CEP68: variants seen among roughly 807,000 people sequenced by gnomAD.
The protein encoded by CEP68 is centrosomal protein 68.
A neutral mutation model predicts 55.3 loss-of-function variants in CEP68; 26 were observed. That is an observed-to-expected ratio of 0.47 (90% confidence interval 0.34 to 0.65). The LOEUF is 0.65. CEP68 is among the 30% of genes least tolerant of loss of function. The probability of loss-of-function intolerance (pLI) is 0.01; values close to 1 mark genes in which losing one functional copy is unlikely to be tolerated. For synonymous variants in CEP68, 402 were observed against 383.2 expected, an observed-to-expected ratio of 1.05 and a Z score of -0.57; for missense variants, 957 against 946.7, an observed-to-expected ratio of 1.01 and a Z score of -0.14.
At chr2:65,082,851 G>A (rs1163707684) in intron 6 of CEP68, 142 bp downstream of exon 6, 6 of 676,448 alleles carry the variant, frequency 8.9e-6, no homozygotes, top group African/African-American at 7.5e-5. Flanking sequence ...ACTAAAAAAG[G>A]AGTTGCTGGT....
At chr2:65,057,475 C>G (rs1331292378) in intron 1 of CEP68, among the ~76,000 whole-genome samples, 1 of 152,142 alleles carries the variant, frequency 6.6e-6, no homozygotes. Context: ...ACAAAAAACC[C>G]AAGGAATTCA....
Position 65,074,380 on chromosome 2 carries a change from C to G in CEP68, c.1983C>G (p.Leu661=), listed in dbSNP as rs1308598076. The G allele has an allele frequency of 1.2e-6, 2 of 1,614,180 alleles. No homozygotes were observed. The highest frequency in any genetic ancestry group is 1.7e-6 in the Non-Finnish European group (2 of 1,180,006). ...CAGCCAGGTCCAATCTTACAAGTCT[C>G]AAGTCTTCTCTGCAGCTTTACCGGG... The part of the protein sequence containing the change: ...GTAARSNLTS[L]KSSLQLYRQF... Residue 661 remains leucine, a synonymous_variant, in exon 4 of 7, where the codon CTC becomes CTG. Coordinates refer to ENST00000377990, the MANE Select transcript of CEP68 (RefSeq NM_015147.3).
chr2:65,081,411 A>C (rs903475355), intron 5 of CEP68, among the ~76,000 whole-genome samples: 9 of 144,274 alleles, frequency 6.2e-5, no homozygotes, highest in Non-Finnish European at 1.4e-4. Flanking sequence ...TTCTCCTTCT[A>C]CTCATCCAGT....
rs1676483007 is a variant in CEP68 at position 65,071,889 on chromosome 2, A to G, written c.793A>G (p.Arg265Gly). 1 of 1,612,110 alleles carries G rather than the reference A, an allele frequency of 6.2e-7. No individual in the cohort carries two copies. The highest frequency in any genetic ancestry group is 1.3e-5 in the African/African-American group (1 of 74,850). Residue 265 changes from arginine (R) to glycine (G), a missense_variant, in exon 3 of 7, where the codon AGA (arginine) becomes GGA (glycine). Coordinates refer to ENST00000377990, the MANE Select transcript of CEP68 (RefSeq NM_015147.3). ...GGGTGATGCTTCTGGGCTAGGCAGG[A>G]GACGCCTCTCCTTCCAGGCTGAGTA... The part of the protein sequence containing the change: ...SGGDASGLGR[R>G]RLSFQAEYWA...
chr2:65,082,844 A>T, intron 6 of CEP68, 135 bp downstream of exon 6: 1 of 700,978 alleles, frequency 1.4e-6, no homozygotes, highest in Non-Finnish European at 2.2e-6. Context: ...CAATGGTACT[A>T]AAAAAGGAGT....
chr2:65,069,614 G>C lies in CEP68; in HGVS notation c.170G>C (p.Gly57Ala). 6.2e-7 allele frequency: 1 copy of C among 1,614,098 alleles called. No individual in the cohort carries two copies. The highest frequency in any genetic ancestry group is 8.5e-7 in the Non-Finnish European group (1 of 1,180,010). The change falls in exon 2 of 7, where the codon GGG becomes GCG. Residue 57 changes from glycine (G) to alanine (A), a missense_variant. Physicochemically the swap from Gly to Ala is moderately conservative, Grantham distance 60 (BLOSUM62 0). Transcript: ENST00000377990. ...GGAGGGCTCATCTCCCCTGTATGGG[G>C]GGCAGAAGGGATACCTGCCCCTACT... is the stretch of plus-strand genomic sequence containing the variant. The part of the protein sequence containing the change: ...AEGGLISPVW[G>A]AEGIPAPTCW...
In CEP68 at chr2:65,072,988, C is replaced by T. The variant is rs201094324; in HGVS notation, c.1884+8C>T. On this transcript the variant is annotated splice_region_variant and intron_variant, in intron 3 of 6. Transcript: ENST00000377990. ...CTGGTGCAATGTGTGAAGGTAATGACACTCAACGTTAGGAAGCTTTGTGTA... is the reference window on the plus strand; with the variant it reads ...CTGGTGCAATGTGTGAAGGTAATGATACTCAACGTTAGGAAGCTTTGTGTA... 629 of 1,613,984 alleles carry T rather than the reference C, an allele frequency of 3.9e-4. 2 individuals carry two copies. Among genetic ancestry groups the T allele is most frequent in the Non-Finnish European group, 5.1e-4 (599 of 1,179,948 alleles).
intron 4 of CEP68, chr2:65,074,778 A>G: frequency 4.0e-6 from 1 of 249,982 alleles, no homozygotes; most frequent in South Asian, 4.2e-5. Flanking sequence ...CCCCCCCTCA[A>G]AAAAAAGTTT....
rs1477447841 is a variant in CEP68 at position 65,085,489 on chromosome 2, G to C, written c.*1855G>C. ...ACACAACTGTTAATTATACCGCCGT[G>C]CTTTAAGTTTAAGACTTACCTTAAA... On this transcript the variant is annotated 3_prime_UTR_variant, in exon 7 of 7. Transcript: ENST00000377990. 1 of 152,020 alleles carries C rather than the reference G, an allele frequency of 6.6e-6. No homozygotes were observed. The highest frequency in any genetic ancestry group is 2.4e-5 in the African/African-American group (1 of 41,362). 9.4% of individuals were successfully genotyped at this position (152,020 alleles called of 1,614,324 possible). A position where few individuals can be genotyped will look rare whatever the true frequency, so the allele number is the denominator to read the frequency against.
chr2:65,058,499 T>TC (rs1675758813), intron 1 of CEP68, among the ~76,000 whole-genome samples: 1 of 70,386 alleles, frequency 1.4e-5, no homozygotes, highest in African/African-American at 6.8e-5. Context: ...TTTTTTTCCT[T>TC]TTTTTTTTTT....
intron 5 of CEP68, among the ~76,000 whole-genome samples, chr2:65,079,855 C>G (rs548171832): frequency 6.6e-6 from 1 of 152,182 alleles, no homozygotes. Context: ...GCCTCTAGTC[C>G]GGACACGGTG....
chr2:65,061,960 G>C (rs1675931359), intron 1 of CEP68, among the ~76,000 whole-genome samples: 1 of 152,208 alleles, frequency 6.6e-6, no homozygotes, highest in Non-Finnish European at 1.5e-5. Context: ...ACAGTTTCAT[G>C]TTATTGGAGA....
At chr2:65,078,488 T>C (rs940506196) in intron 5 of CEP68, among the ~76,000 whole-genome samples, 21 of 152,278 alleles carry the variant, frequency 1.4e-4, no homozygotes, top group Admixed American at 5.2e-4. Flanking sequence ...GAAGAACTGA[T>C]GAGAGGGGAC....
Position 65,072,930 on chromosome 2 carries a change from C to T in CEP68, c.1834C>T (p.Pro612Ser), listed in dbSNP as rs1359504520. The T allele has an allele frequency of 2.5e-6, 4 of 1,613,884 alleles. No homozygotes were observed. The highest frequency in any genetic ancestry group is 2.5e-6 in the Non-Finnish European group (3 of 1,180,036). Reference sequence around the variant, plus strand: ...AGACCCAGATGTTGAAGGGCAGCTTCCCAGGAAAGGAGGAGAACAGGGAAA... The same window carrying T: ...AGACCCAGATGTTGAAGGGCAGCTTTCCAGGAAAGGAGGAGAACAGGGAAA... ...FSDPDVEGQL[P>S]RKGGEQGKES... The change falls in exon 3 of 7, where the codon CCC becomes TCC. Residue 612 changes from proline (P) to serine (S), a missense_variant. Pro to Ser is a moderately conservative substitution (Grantham distance 74). Transcript: ENST00000377990.
chr2:65,085,956 C>T lies in CEP68; in HGVS notation c.*2322C>T, dbSNP rs1278802048. On this transcript the variant is annotated 3_prime_UTR_variant, in exon 7 of 7. Coordinates refer to ENST00000377990, the MANE Select transcript of CEP68 (RefSeq NM_015147.3). ...GCCACACTGGAATAACTTAGTAGTC[C>T]CTTAAAATTAATGGAAGTTAAATCC... 2 of 152,144 alleles carry T rather than the reference C, an allele frequency of 1.3e-5. No individual in the cohort carries two copies. The highest frequency in any genetic ancestry group is 4.8e-5 in the African/African-American group (2 of 41,430). 9.4% of individuals were successfully genotyped at this position (152,144 alleles called of 1,614,324 possible).
rs55952639 is a variant in CEP68 at position 65,072,632 on chromosome 2, T to C, written c.1536T>C (p.Asp512=). Residue 512 remains aspartate (D), a synonymous_variant, in exon 3 of 7, where the codon GAT becomes GAC. Transcript: ENST00000377990. ...ISTLVTLPTG[D]IKGQSPLEVS... Reference sequence around the variant, plus strand: ...CCTTGGTTACCCTGCCCACTGGGGATATCAAAGGGCAGAGCCCCTTGGAAG... The same window carrying C: ...CCTTGGTTACCCTGCCCACTGGGGACATCAAAGGGCAGAGCCCCTTGGAAG... 129,253 of 1,613,874 alleles carry C rather than the reference T, an allele frequency of 0.08. 9,350 individuals carry two copies. Among genetic ancestry groups the C allele is most frequent in the African/African-American group, 0.34 (25,541 of 74,928 alleles).
At chr2:65,080,589 G>T in intron 5 of CEP68, 1 of 961,564 alleles carries the variant, frequency 1.0e-6, no homozygotes, top group South Asian at 4.8e-5. Flanking sequence ...GAGGCCAAGC[G>T]GGCAGATCAC....
At position 65,072,014 on chromosome 2, in the gene CEP68, TTACCCAC is replaced by T; in HGVS notation, c.920_926del (p.Tyr307Ter). ...AGTATGAAGATCTGCTTGACTATAC[TTACCCAC>T]TGAGGCCCGGGCCTCAGCTCCCAAA... On this transcript the variant is annotated frameshift_variant, in exon 3 of 7. Transcript: ENST00000377990. LOFTEE classifies it high-confidence loss of function. 6.2e-7 allele frequency: 1 copy of T among 1,613,282 alleles called. No homozygotes were observed. The highest frequency in any genetic ancestry group is 8.5e-7 in the Non-Finnish European group (1 of 1,179,988).
chr2:65,063,012 GCAGC>G (rs1247292876), intron 1 of CEP68, among the ~76,000 whole-genome samples: 2 of 152,204 alleles, frequency 1.3e-5, no homozygotes, highest in Non-Finnish European at 2.9e-5. Flanking sequence ...AGGAAGCCCG[GCAGC>G]TGTGACAGGA....
Sources: gnomAD v4.1 joint callset for allele counts (sites outside exome capture counted in the v4.1 genomes callset) on GRCh38, gnomAD v4.1.1 for gene constraint, MANE v1.5 for transcripts, NCBI Gene and HGNC (gene_info 2026-07-23, HGNC 2026-07-21) for gene names.